The following CIMAP2 variants were observed in gnomAD, a reference collection of about 807,000 sequenced individuals.
CIMAP2 encodes the protein ciliary microtubule-associated protein 2.
the CIMAP2 span, chr1:54,812,029 C>A: frequency 6.2e-7 from 1 of 1,614,054 alleles, no homozygotes; most frequent in African/African-American, 1.3e-5. Context: ...GGCCTCATCA[C>A]CTCTGCTGTG....
chr1:54,811,765 G>GCGGGGGGGGGCCCCCC, the CIMAP2 span: 3 of 1,301,330 alleles, frequency 2.3e-6, no homozygotes, highest in East Asian at 2.5e-5. Flanking sequence ...GGTTCTGACA[G>GCGGGGGGGGGCCCCCC]CCTCCATGCC....
the CIMAP2 span, among the ~76,000 whole-genome samples, chr1:54,810,878 G>A: frequency 0.022 from 3,330 of 152,218 alleles, 52 homozygotes; most frequent in Non-Finnish European, 0.036. Flanking sequence ...GCCAGACACC[G>A]TTGCCTGTGA....
the CIMAP2 span, among the ~76,000 whole-genome samples, chr1:54,827,071 G>A: frequency 6.6e-6 from 1 of 152,130 alleles, no homozygotes; most frequent in Non-Finnish European, 1.5e-5. Context: ...ACACTTTTTG[G>A]GTGCAAAAGC....
the CIMAP2 span, among the ~76,000 whole-genome samples, chr1:54,830,399 T>A: frequency 6.6e-6 from 1 of 152,124 alleles, no homozygotes; most frequent in Non-Finnish European, 1.5e-5. The surrounding 1 kb of genome is among the most constrained non-coding windows in gnomAD (Gnocchi z 4.1). Context: ...ATTTTGTATT[T>A]TTAGTAGAGA....
the CIMAP2 span, among the ~76,000 whole-genome samples, chr1:54,822,496 G>A: frequency 6.6e-6 from 1 of 151,312 alleles, no homozygotes; most frequent in Non-Finnish European, 1.5e-5. Context: ...GAGGTGCATT[G>A]TTACGTTGTT....
At chr1:54,818,891 C>T in the CIMAP2 span, among the ~76,000 whole-genome samples, 1 of 152,324 alleles carries the variant, frequency 6.6e-6, no homozygotes, top group African/African-American at 2.4e-5. Context: ...CTGCGGCTGG[C>T]TGCAGTATGT....
At chr1:54,813,865 A>C in the CIMAP2 span, 1 of 1,613,728 alleles carries the variant, frequency 6.2e-7, no homozygotes, top group Non-Finnish European at 8.5e-7. Context: ...AGAAGAACTT[A>C]ACTCACATCA....
At chr1:54,820,732 T>G in the CIMAP2 span, among the ~76,000 whole-genome samples, 1 of 152,204 alleles carries the variant, frequency 6.6e-6, no homozygotes, top group Non-Finnish European at 1.5e-5. Context: ...CTGTATGCTT[T>G]CTTTTGAGAA....
the CIMAP2 span, chr1:54,811,765 G>GCCGGGGGGGGGCGGCCCCCCCCCCC: frequency 1.5e-6 from 2 of 1,301,328 alleles, no homozygotes; most frequent in African/African-American, 1.5e-5. Flanking sequence ...GGTTCTGACA[G>GCCGGGGGGGGGCGGCCCCCCCCCCC]CCTCCATGCC....
the CIMAP2 span, among the ~76,000 whole-genome samples, chr1:54,839,163 C>T: frequency 0.036 from 5,541 of 151,936 alleles, 154 homozygotes; most frequent in Non-Finnish European, 0.042. Flanking sequence ...AGAGCATGAG[C>T]GAAGGAAAGG....
chr1:54,828,324 C>A, the CIMAP2 span, among the ~76,000 whole-genome samples: 1 of 151,556 alleles, frequency 6.6e-6, no homozygotes, highest in Admixed American at 6.6e-5. Context: ...AAAAGGATTC[C>A]ATTTTTTTTT....
the CIMAP2 span, among the ~76,000 whole-genome samples, chr1:54,835,511 CT>C: frequency 6.6e-6 from 1 of 152,228 alleles, no homozygotes; most frequent in East Asian, 1.9e-4. Flanking sequence ...TTTGTATGTA[CT>C]TATTGTATGC....
the CIMAP2 span, among the ~76,000 whole-genome samples, chr1:54,833,037 A>G: frequency 6.6e-6 from 1 of 152,082 alleles, no homozygotes; most frequent in East Asian, 1.9e-4. Flanking sequence ...ATTAATAAAA[A>G]TGAATGGAGA....
At chr1:54,840,964 G>A in the CIMAP2 span, among the ~76,000 whole-genome samples, 198 of 152,288 alleles carry the variant, frequency 1.3e-3, no homozygotes, top group African/African-American at 4.5e-3. Flanking sequence ...GGACTGTTGC[G>A]GGGATAGAGA....
the CIMAP2 span, among the ~76,000 whole-genome samples, chr1:54,838,662 A>G: frequency 3.9e-5 from 6 of 151,994 alleles, no homozygotes. Flanking sequence ...GCTTAAAACA[A>G]TAGCCATTTG....
At chr1:54,812,998 C>G in the CIMAP2 span, among the ~76,000 whole-genome samples, 1 of 152,230 alleles carries the variant, frequency 6.6e-6, no homozygotes. Flanking sequence ...CTGAGGCCTT[C>G]GACCTGGCTG....
chr1:54,812,101 TGGCACGATCCGTC>T, the CIMAP2 span: 1 of 1,614,136 alleles, frequency 6.2e-7, no homozygotes, highest in South Asian at 1.1e-5. Flanking sequence ...GAGACATATG[TGGCACGATCCGTC>T]GGCACCCGCG....
the CIMAP2 span, among the ~76,000 whole-genome samples, chr1:54,823,596 CCT>C: frequency 6.6e-6 from 1 of 152,150 alleles, no homozygotes; most frequent in Admixed American, 6.5e-5. Context: ...AGAACTTACT[CCT>C]GTCATTTTGT....
the CIMAP2 span, among the ~76,000 whole-genome samples, chr1:54,833,939 G>A: frequency 5.3e-5 from 8 of 152,082 alleles, no homozygotes; most frequent in Non-Finnish European, 1.0e-4. Flanking sequence ...CCAGGTTCAA[G>A]CAATTCTCCT....
Sources: gnomAD v4.1 joint callset for allele counts (sites outside exome capture counted in the v4.1 genomes callset) on GRCh38, gnomAD v4.1.1 for gene constraint, Gnocchi (gnomAD v3.1) non-coding constraint, MANE v1.5 for transcripts, NCBI Gene and HGNC (gene_info 2026-07-23, HGNC 2026-07-21) for gene names.